The following SSBP2 variants were observed in gnomAD, a reference collection of about 807,000 sequenced individuals.
SSBP2 encodes the protein single stranded DNA binding protein 2.
In SSBP2, 17 loss-of-function variants were observed where a neutral mutation model predicts 61.8. The ratio of observed to expected loss-of-function variants is 0.28; its 90% CI spans 0.19 to 0.41. The LOEUF (loss-of-function observed/expected upper bound fraction) is 0.41. Ranked by LOEUF, SSBP2 falls within the 10% of genes least tolerant of loss-of-function variation. The probability of loss-of-function intolerance (pLI) is 1.00; values close to 1 mark genes in which losing one functional copy is unlikely to be tolerated. For synonymous variants in SSBP2, 139 were observed against 141.3 expected (o/e 0.98, Z 0.12); for missense variants, 310 against 458.7 (o/e 0.68, Z 2.96).
At chr5:81,422,605 G>A (rs1341834403) in intron 16 of SSBP2, among the ~76,000 whole-genome samples, 2 of 152,232 alleles carry the variant, frequency 1.3e-5, no homozygotes, top group East Asian at 3.9e-4. Flanking sequence ...AACTGATCCT[G>A]TATGTAGGAT....
chr5:81,601,539 C>T (rs1452555481), intron 4 of SSBP2, among the ~76,000 whole-genome samples: 1 of 152,180 alleles, frequency 6.6e-6, no homozygotes, highest in South Asian at 2.1e-4. Context: ...AATATTTTAC[C>T]ATTGGGGGAA....
At chr5:81,556,695 T>A (rs1213607942) in intron 4 of SSBP2, among the ~76,000 whole-genome samples, 1 of 152,138 alleles carries the variant, frequency 6.6e-6, no homozygotes, top group Non-Finnish European at 1.5e-5. Flanking sequence ...TCCCTTGCCT[T>A]GCTTAAAAGA....
At chr5:81,559,384 C>CAAAAAAAAAA (rs36034616) in intron 4 of SSBP2, among the ~76,000 whole-genome samples, 1 of 95,982 alleles carries the variant, frequency 1.0e-5, no homozygotes, top group South Asian at 3.7e-4. Flanking sequence ...GAGATTTCAT[C>CAAAAAAAAAA]AAAAAAAAAA....
chr5:81,444,028 G>T (rs561137874), intron 12 of SSBP2, among the ~76,000 whole-genome samples: 36 of 152,136 alleles, frequency 2.4e-4, no homozygotes, highest in Admixed American at 2.3e-3. Context: ...ATTTTAGTGT[G>T]TATTACTTAC....
chr5:81,542,817 TTCTCTCTCTCTCTC>T (rs60252222), intron 4 of SSBP2, among the ~76,000 whole-genome samples: 1 of 106,792 alleles, frequency 9.4e-6, no homozygotes, highest in East Asian at 2.4e-4. Context: ...ATTTGACAGT[TTCTCTCTCTCTCTC>T]TCTCTCTCTC....
At chr5:81,510,591 T>C (rs1768522783) in intron 5 of SSBP2, among the ~76,000 whole-genome samples, 1 of 151,924 alleles carries the variant, frequency 6.6e-6, no homozygotes, top group Admixed American at 6.6e-5. Flanking sequence ...GGAAACCCTG[T>C]CTCTACTAAA....
intron 4 of SSBP2, among the ~76,000 whole-genome samples, chr5:81,519,018 G>C (rs1159414958): frequency 2.0e-5 from 3 of 151,984 alleles, no homozygotes; most frequent in African/African-American, 7.2e-5. Flanking sequence ...TTTTATGTAG[G>C]AGTTTTACAT....
chr5:81,477,478 C>T (rs1211738185), intron 6 of SSBP2, among the ~76,000 whole-genome samples: 2 of 152,100 alleles, frequency 1.3e-5, no homozygotes, highest in African/African-American at 2.4e-5. Context: ...GTGGGAAACC[C>T]GGCCTATGTT....
rs1748291183 is a variant in SSBP2, at chr5:81,636,899, T to C, written c.136-281A>G. On this transcript the variant is annotated intron_variant, in intron 2 of 16. Coordinates refer to ENST00000320672, the MANE Select transcript of SSBP2 (RefSeq NM_012446.5). ...TTTAAATCCATCTTTCTGTGGTCTTTCAGATGCTGAGACTGGAGATCCATA... is the reference window on the plus strand; with the variant it reads ...TTTAAATCCATCTTTCTGTGGTCTTCCAGATGCTGAGACTGGAGATCCATA... Among the ~76,000 whole-genome samples, 4 of 152,226 alleles carry C rather than the reference T, an allele frequency of 2.6e-5. No homozygotes were observed. In the South Asian group the frequency reaches 8.3e-4, roughly 32 times the overall value.
intron 12 of SSBP2, among the ~76,000 whole-genome samples, chr5:81,443,858 C>T (rs1420498781): frequency 1.3e-5 from 2 of 152,022 alleles, no homozygotes; most frequent in Non-Finnish European, 2.9e-5. Context: ...CACCGCGCCC[C>T]GCCAGTAGGC....
intron 8 of SSBP2, among the ~76,000 whole-genome samples, chr5:81,468,737 A>T (rs1454204727): frequency 1.3e-5 from 2 of 152,014 alleles, no homozygotes; most frequent in Non-Finnish European, 2.9e-5. Flanking sequence ...GCTACAGTTG[A>T]TAAATGACAT....
intron 4 of SSBP2, among the ~76,000 whole-genome samples, chr5:81,522,747 C>A (rs1769588566): frequency 6.6e-6 from 1 of 151,950 alleles, no homozygotes; most frequent in Non-Finnish European, 1.5e-5. Context: ...TTTTTAGCAC[C>A]ACGTACTCTA....
chr5:81,488,016 T>TATATAC (rs1766519364), intron 6 of SSBP2, among the ~76,000 whole-genome samples: 1 of 13,824 alleles, frequency 7.2e-5, no homozygotes, highest in Non-Finnish European at 1.3e-4. Context: ...AAATAATATA[T>TATATAC]ATATATATAT....
chr5:81,514,049 G>C (rs1486952205), intron 4 of SSBP2, among the ~76,000 whole-genome samples: 1 of 152,088 alleles, frequency 6.6e-6, no homozygotes, highest in Non-Finnish European at 1.5e-5. Context: ...CATCTGAAAT[G>C]GCAACATCAA....
chr5:81,681,519 C>CAAA (rs35721340), intron 1 of SSBP2, among the ~76,000 whole-genome samples: 1 of 107,104 alleles, frequency 9.3e-6, no homozygotes, highest in African/African-American at 3.1e-5. Context: ...GGCTCCACCT[C>CAAA]AAAAAAAAAA....
intron 1 of SSBP2, among the ~76,000 whole-genome samples, chr5:81,687,232 G>A (rs1408003241): frequency 6.6e-6 from 1 of 152,244 alleles, no homozygotes; most frequent in Non-Finnish European, 1.5e-5. Flanking sequence ...TTGGAACTCA[G>A]TGCTGCATGT....
intron 4 of SSBP2, among the ~76,000 whole-genome samples, chr5:81,521,275 T>TTTTAGGCA (rs1228948054): frequency 6.6e-6 from 1 of 152,022 alleles, no homozygotes; most frequent in Non-Finnish European, 1.5e-5. Flanking sequence ...ACATCTGGTG[T>TTTTAGGCA]TTTAGGCATA....
At chr5:81,503,489 T>C (rs1393051560) in intron 5 of SSBP2, among the ~76,000 whole-genome samples, 1 of 152,012 alleles carries the variant, frequency 6.6e-6, no homozygotes, top group Non-Finnish European at 1.5e-5. Flanking sequence ...AAATGGATGC[T>C]GGCAAGGTTG....
intron 1 of SSBP2, among the ~76,000 whole-genome samples, chr5:81,730,043 G>C (rs1756150354): frequency 6.6e-6 from 1 of 152,048 alleles, no homozygotes; most frequent in Admixed American, 6.5e-5. Context: ...GATATACAAA[G>C]TAAATCTTGA....
Sources: gnomAD v4.1 joint callset for allele counts (sites outside exome capture counted in the v4.1 genomes callset) on GRCh38, gnomAD v4.1.1 for gene constraint, MANE v1.5 for transcripts, NCBI Gene and HGNC (gene_info 2026-07-23, HGNC 2026-07-21) for gene names.